The following FHIT variants were observed in gnomAD, a reference collection of about 807,000 sequenced individuals.
FHIT encodes the protein fragile histidine triad diadenosine triphosphatase.
Under a neutral mutation model 17.9 loss-of-function variants are expected in FHIT, and 19 were observed. The ratio of observed to expected loss-of-function variants is 1.06; its 90% CI spans 0.74 to 1.56. FHIT has a LOEUF of 1.56. Ranked by LOEUF, FHIT falls within the 40% of genes most tolerant of loss-of-function variation. The pLI is 0.00. For missense variants in FHIT, 248 were observed against 189.2 expected, an observed-to-expected ratio of 1.31 and a Z score of -1.82; for synonymous variants, 81 against 69.7, an observed-to-expected ratio of 1.16 and a Z score of -0.81.
At chr3:59,813,896 G>A (rs1700496238) in intron 8 of FHIT, among the ~76,000 whole-genome samples, 1 of 152,170 alleles carries the variant, frequency 6.6e-6, no homozygotes, top group Non-Finnish European at 1.5e-5. Context: ...ATGGTGGTTT[G>A]GTGATGGTAG....
chr3:60,977,675 C>T (rs1424896426), intron 3 of FHIT, among the ~76,000 whole-genome samples: 4 of 152,034 alleles, frequency 2.6e-5, no homozygotes, highest in African/African-American at 9.7e-5. Flanking sequence ...AGTTCGAGAC[C>T]AGGCTGACCA....
intron 2 of FHIT, among the ~76,000 whole-genome samples, chr3:61,086,452 T>C (rs983657994): frequency 6.6e-6 from 1 of 152,216 alleles, no homozygotes; most frequent in African/African-American, 2.4e-5. Context: ...CAGTCTGCTA[T>C]TGCTTTGTTT....
At chr3:60,640,781 G>A (rs2039706502) in intron 4 of FHIT, among the ~76,000 whole-genome samples, 1 of 152,132 alleles carries the variant, frequency 6.6e-6, no homozygotes, top group African/African-American at 2.4e-5. Context: ...TCATTTTATT[G>A]CATGCTACTG....
chr3:60,502,981 G>C (rs760327362), intron 5 of FHIT, among the ~76,000 whole-genome samples: 5 of 152,122 alleles, frequency 3.3e-5, no homozygotes, highest in Non-Finnish European at 4.4e-5. Flanking sequence ...GCTGAATACT[G>C]AATATTAAGA....
chr3:60,022,015 A>G (rs1028159407), intron 5 of FHIT, among the ~76,000 whole-genome samples: 1 of 152,224 alleles, frequency 6.6e-6, no homozygotes, highest in Admixed American at 6.5e-5. Flanking sequence ...CTTCTCAAAA[A>G]TAAGAAATAG....
chr3:60,559,765 G>C (rs1231410106), intron 4 of FHIT, among the ~76,000 whole-genome samples: 1 of 99,772 alleles, frequency 1.0e-5, no homozygotes, highest in African/African-American at 3.8e-5. Context: ...CCCTCTTACG[G>C]GCACTTACAC....
intron 8 of FHIT, among the ~76,000 whole-genome samples, chr3:59,754,652 TTTAGAGCCTGTGAA>T (rs1334823687): frequency 1.3e-5 from 2 of 152,258 alleles, no homozygotes; most frequent in South Asian, 2.1e-4. Flanking sequence ...ATCCAAATAA[TTTAGAGCCTGTGAA>T]TGTTAATGCC....
At chr3:59,877,019 G>A (rs1703194305) in intron 8 of FHIT, among the ~76,000 whole-genome samples, 1 of 152,122 alleles carries the variant, frequency 6.6e-6, no homozygotes, top group East Asian at 1.9e-4. Context: ...AACTGTTAAT[G>A]GGTCTAGATA....
At chr3:60,997,736 T>C (rs1248449526) in intron 3 of FHIT, among the ~76,000 whole-genome samples, 1 of 152,206 alleles carries the variant, frequency 6.6e-6, no homozygotes, top group Non-Finnish European at 1.5e-5. Context: ...TAGCATGAAT[T>C]CGTGAATTGC....
chr3:60,228,362 G>A (rs545685177), intron 5 of FHIT, among the ~76,000 whole-genome samples: 8 of 152,212 alleles, frequency 5.3e-5, no homozygotes, highest in Non-Finnish European at 7.4e-5. Context: ...TTGGGAAGAC[G>A]AAAATGTTCT....
chr3:59,933,572 T>G (rs545222505), intron 7 of FHIT, among the ~76,000 whole-genome samples: 16 of 152,176 alleles, frequency 1.1e-4, no homozygotes, highest in Non-Finnish European at 2.1e-4. Context: ...CTAAGTCAGG[T>G]TGATAGGATG....
At chr3:60,759,126 G>A (rs1377754447) in intron 4 of FHIT, among the ~76,000 whole-genome samples, 12 of 152,142 alleles carry the variant, frequency 7.9e-5, no homozygotes, top group Admixed American at 1.3e-4. Flanking sequence ...TCAGGGAGAC[G>A]GCAGGGACAA....
intron 5 of FHIT, among the ~76,000 whole-genome samples, chr3:60,063,835 C>A (rs1425737900): frequency 6.6e-6 from 1 of 152,134 alleles, no homozygotes; most frequent in African/African-American, 2.4e-5. Flanking sequence ...GAAGAAAACC[C>A]ATATACCATC....
chr3:59,963,463 A>G (rs1707780834), intron 7 of FHIT, among the ~76,000 whole-genome samples: 1 of 151,974 alleles, frequency 6.6e-6, no homozygotes, highest in Non-Finnish European at 1.5e-5. Context: ...TACATGAGAG[A>G]GAGAAGGAGG....
chr3:61,204,108 T>C (rs973394683), intron 1 of FHIT, among the ~76,000 whole-genome samples: 3 of 152,228 alleles, frequency 2.0e-5, no homozygotes, highest in Non-Finnish European at 4.4e-5. Flanking sequence ...GCTATACATA[T>C]TATTCTATTT....
At chr3:60,219,826 G>C (rs1220055849) in intron 5 of FHIT, among the ~76,000 whole-genome samples, 1 of 152,124 alleles carries the variant, frequency 6.6e-6, no homozygotes, top group African/African-American at 2.4e-5. Context: ...TAAATGTGTG[G>C]TTATAATTGT....
intron 7 of FHIT, among the ~76,000 whole-genome samples, chr3:59,969,592 T>C (rs1708084996): frequency 6.6e-6 from 1 of 152,118 alleles, no homozygotes; most frequent in African/African-American, 2.4e-5. Flanking sequence ...ATGGGAACAG[T>C]AACTGTGTTT....
intron 3 of FHIT, among the ~76,000 whole-genome samples, chr3:61,036,921 TG>T (rs750304502): frequency 0.055 from 7,829 of 143,192 alleles, 434 homozygotes; most frequent in South Asian, 0.067. Context: ...TTTGTTTGTT[TG>T]TTTTTTTGAG....
chr3:60,834,481 A>T (rs1254202260), intron 3 of FHIT, among the ~76,000 whole-genome samples: 1 of 140,546 alleles, frequency 7.1e-6, no homozygotes, highest in African/African-American at 2.5e-5. Context: ...AAAATTCTTT[A>T]TATATTCTAA....
Sources: allele counts gnomAD v4.1 joint callset (sites outside exome capture counted in the v4.1 genomes callset), GRCh38; gene constraint gnomAD v4.1.1; transcripts MANE v1.5; gene names NCBI Gene and HGNC (gene_info 2026-07-23, HGNC 2026-07-21).